Variants in NUP107 observed in about 807,000 individuals in gnomAD.
NUP107 encodes the protein nucleoporin 107.
In NUP107, 101 loss-of-function variants were observed where a neutral mutation model predicts 141.0. The observed-to-expected ratio is 0.72, with a 90% confidence interval of 0.61 to 0.84. The LOEUF is 0.84. Ranked by LOEUF, NUP107 falls within the 40% of genes least tolerant of loss-of-function variation. The probability of loss-of-function intolerance (pLI) is 0.00; values close to 1 mark genes in which losing one functional copy is unlikely to be tolerated. For missense variants in NUP107, 941 were observed against 1,102.7 expected, an observed-to-expected ratio of 0.85 and a Z score of 2.08; for synonymous variants, 319 against 363.9, an observed-to-expected ratio of 0.88 and a Z score of 1.41.
In NUP107 at chr12:68,731,597, A is replaced by C; in HGVS notation, c.1886-10A>C. 6.6e-7 allele frequency: 1 copy of C among 1,504,200 alleles called. No homozygotes were observed. The highest frequency in any genetic ancestry group is 8.9e-7 in the Non-Finnish European group (1 of 1,120,112). The allele number at this position is 1,504,200 out of a possible 1,614,324, so 93.2% of individuals were successfully genotyped here. The stretch of plus-strand genomic sequence containing the variant: ...ATCTTTGTTTTTTGTCGCTTCAAAA[A>C]ATTATTTAGATTTGGATGTTGCAAC... On this transcript the variant is annotated splice_polypyrimidine_tract_variant and intron_variant, in intron 21 of 27. Coordinates refer to ENST00000229179, the MANE Select transcript of NUP107 (RefSeq NM_020401.4).
At chr12:68,727,471 C>A in intron 20 of NUP107, 82 bp downstream of exon 20, 2 of 750,262 alleles carry the variant, frequency 2.7e-6, no homozygotes, top group Non-Finnish European at 4.4e-6. Flanking sequence ...TTTTAATTCT[C>A]AGTGGTAAGA....
intron 12 of NUP107, among the ~76,000 whole-genome samples, chr12:68,716,723 A>G (rs1877130532): frequency 6.6e-6 from 1 of 152,174 alleles, no homozygotes. Flanking sequence ...TGGACAGTTT[A>G]CCAGATGCCT....
intron 18 of NUP107, 22 bp from the exon 19 acceptor site, chr12:68,726,477 T>G: frequency 6.9e-7 from 1 of 1,439,200 alleles, no homozygotes; most frequent in Non-Finnish European, 9.8e-7. Context: ...TATTGTTGAA[T>G]CTTCACTTTG....
In NUP107 at chr12:68,731,231, A is replaced by G; in HGVS notation, c.1856A>G (p.His619Arg). The G allele has an allele frequency of 6.2e-7, 1 of 1,606,378 alleles. No homozygotes were observed. Among genetic ancestry groups the G allele is most frequent in the Non-Finnish European group, 8.5e-7 (1 of 1,177,152 alleles). The stretch of plus-strand genomic sequence containing the variant: ...AGTGTTACAGAATTTGAACAGCGCC[A>G]CCATTGCCTGGAGTTGGCTAAAGAA... ...LESVTEFEQR[H>R]HCLELAKEAD... Residue 619 changes from histidine (H) to arginine (R), a missense_variant, in exon 21 of 28, where the codon CAC becomes CGC. By Grantham distance (29) the His-to-Arg change is conservative (BLOSUM62 0). Transcript: ENST00000229179.
At chr12:68,709,964 T>A (rs1477843314) in intron 9 of NUP107, 41 bp from the exon 10 acceptor site, 2 of 1,109,662 alleles carry the variant, frequency 1.8e-6, no homozygotes, top group East Asian at 4.8e-5. Flanking sequence ...ACAAATAGAT[T>A]TGGTAGTTAA....
At chr12:68,717,801 G>T (rs1006725713) in intron 12 of NUP107, among the ~76,000 whole-genome samples, 5 of 152,142 alleles carry the variant, frequency 3.3e-5, no homozygotes, top group African/African-American at 9.7e-5. Context: ...TCTATATTGA[G>T]TTTTTATCCT....
intron 15 of NUP107, 98 bp downstream of exon 15, chr12:68,721,275 A>G (rs1344388567): frequency 4.1e-6 from 3 of 731,446 alleles, no homozygotes; most frequent in Non-Finnish European, 6.8e-6. Flanking sequence ...TTAAGTTTGT[A>G]TACTTAAGTA....
chr12:68,727,237 C>A, intron 19 of NUP107, 114 bp from the exon 20 acceptor site: 1 of 537,374 alleles, frequency 1.9e-6, no homozygotes, highest in Non-Finnish European at 3.4e-6. Flanking sequence ...ATAGTTACTG[C>A]TCAGTGGTAA....
chr12:68,712,310 G>T (rs963572901), intron 10 of NUP107, among the ~76,000 whole-genome samples: 1 of 149,738 alleles, frequency 6.7e-6, no homozygotes, highest in Non-Finnish European at 1.5e-5. Context: ...TGGTAAAACC[G>T]CATCTCTACT....
At chr12:68,705,529 C>CT in intron 8 of NUP107, 1 of 265,750 alleles carries the variant, frequency 3.8e-6, no homozygotes, top group Non-Finnish European at 7.3e-6. Context: ...CAAAAGTATT[C>CT]TTTAAAAAAA....
Position 68,734,691 on chromosome 12 carries a change from T to C in NUP107, c.2263-17T>C. 1 of 1,503,332 alleles carries C rather than the reference T, an allele frequency of 6.7e-7. No individual in the cohort carries two copies. Among genetic ancestry groups the C allele is most frequent in the South Asian group, 1.4e-5 (1 of 73,726 alleles). 93.1% of individuals were successfully genotyped at this position (1,503,332 alleles called of 1,614,324 possible). ...TTTTGTTATTTTATATTTTGGTTTTTTTATTTCACATTTTAGGAAGCCCAT... is the reference window on the plus strand; with the variant it reads ...TTTTGTTATTTTATATTTTGGTTTTCTTATTTCACATTTTAGGAAGCCCAT... On this transcript the variant is annotated splice_polypyrimidine_tract_variant and intron_variant, in intron 24 of 27. Coordinates refer to ENST00000229179, the MANE Select transcript of NUP107 (RefSeq NM_020401.4).
In NUP107 at chr12:68,690,492, A is replaced by G. The variant is rs71452399; in HGVS notation, c.188-139A>G. The G allele has an allele frequency of 0.026, 27,759 of 1,070,372 alleles. 494 individuals are homozygous for G. Among genetic ancestry groups the G allele is most frequent in the African/African-American group, 0.061 (3,784 of 62,506 alleles). 66.3% of individuals were successfully genotyped at this position (1,070,372 alleles called of 1,614,324 possible). A position where few individuals can be genotyped will look rare whatever the true frequency, so the allele number is the denominator to read the frequency against. ...AAATCCTTGTATCATGGAAATGTTA[A>G]CATTTAAAGTATTTATTTGGTTAGA... On this transcript the variant is annotated intron_variant, in intron 3 of 27. Transcript: ENST00000229179.
chr12:68,706,255 G>A, intron 8 of NUP107: 1 of 775,434 alleles, frequency 1.3e-6, no homozygotes, highest in Non-Finnish European at 2.3e-6. Context: ...ACAAGAACAA[G>A]GTAGAGCTGG....
intron 8 of NUP107, among the ~76,000 whole-genome samples, chr12:68,704,059 G>A (rs1267393990): frequency 6.6e-6 from 1 of 152,136 alleles, no homozygotes; most frequent in Admixed American, 6.6e-5. Flanking sequence ...GGGCAACAGA[G>A]TGAGATCCCG....
chr12:68,695,749 T>A (rs1372273288), intron 5 of NUP107, among the ~76,000 whole-genome samples: 1 of 152,156 alleles, frequency 6.6e-6, no homozygotes, highest in African/African-American at 2.4e-5. Flanking sequence ...ACTATACACT[T>A]AAAAATGATT....
intron 1 of NUP107, chr12:68,687,405 A>G: frequency 9.1e-7 from 1 of 1,093,994 alleles, no homozygotes; most frequent in Non-Finnish European, 1.1e-6. Flanking sequence ...CTGAGATCAC[A>G]AAGCCAGTCA....
chr12:68,691,967 G>T lies in NUP107; in HGVS notation c.304-1G>T. 1 of 1,578,674 alleles carries T rather than the reference G, an allele frequency of 6.3e-7. No individual in the cohort carries two copies. The highest frequency in any genetic ancestry group is 1.2e-5 in the South Asian group (1 of 84,844). ...TTTTTACTTTTTTGTTTTTTTTTAAGGTTACTAATCTGGATGACAGTAACT... is the reference window on the plus strand; with the variant it reads ...TTTTTACTTTTTTGTTTTTTTTTAATGTTACTAATCTGGATGACAGTAACT... On this transcript the variant is annotated splice_acceptor_variant, in intron 4 of 27. Transcript: ENST00000229179. LOFTEE classifies it high-confidence loss of function.
chr12:68,702,113 C>T (rs1048630895), intron 7 of NUP107, among the ~76,000 whole-genome samples: 3 of 152,134 alleles, frequency 2.0e-5, no homozygotes, highest in South Asian at 2.1e-4. Context: ...CTCAGCCTCC[C>T]GAGTAGCTGG....
rs1480963937 is a variant in NUP107 at position 68,725,994 on chromosome 12, G to A, written c.1576+198G>A. ...TGGGATTACAGGTGTGCACCACTAC[G>A]CCTGGCTAATTTTTGTATTTTTAGT... On this transcript the variant is annotated intron_variant, in intron 18 of 27. Coordinates refer to ENST00000229179, the MANE Select transcript of NUP107 (RefSeq NM_020401.4). Among the ~76,000 whole-genome samples the A allele has an allele frequency of 2.7e-5, 4 of 150,758 alleles. No homozygotes were observed. The East Asian group carries it at 7.7e-4, about 29-fold the overall frequency.
Sources: allele counts gnomAD v4.1 joint callset (sites outside exome capture counted in the v4.1 genomes callset), GRCh38; gene constraint gnomAD v4.1.1; transcripts MANE v1.5; gene names NCBI Gene and HGNC (gene_info 2026-07-23, HGNC 2026-07-21).